BSDC1: variants seen among roughly 807,000 people sequenced by gnomAD.
BSDC1 encodes the protein BSD domain containing 1.
BSDC1 carries 29 observed loss-of-function variants against 56.0 expected under a neutral mutation model. The observed-to-expected ratio is 0.52, with a 90% CI of 0.39 to 0.71. The LOEUF (loss-of-function observed/expected upper bound fraction) is 0.71, where lower values mean the gene tolerates loss of function less well. BSDC1 is among the 30% of genes least tolerant of loss of function. BSDC1 has a pLI of 0.00. For synonymous variants in BSDC1, 210 were observed against 215.3 expected (o/e 0.98, Z 0.21); for missense variants, 477 against 548.5 (o/e 0.87, Z 1.30).
chr1:32,371,105 A>C (rs192866387), intron 9 of BSDC1, among the ~76,000 whole-genome samples: 74 of 152,248 alleles, frequency 4.9e-4, no homozygotes, highest in Admixed American at 2.6e-3. Flanking sequence ...CTAAGAAGTA[A>C]ACTACACAAA....
chr1:32,370,803 C>CAAAAAAA (rs58351365), intron 9 of BSDC1, among the ~76,000 whole-genome samples: 1 of 50,122 alleles, frequency 2.0e-5, no homozygotes, highest in Non-Finnish European at 3.7e-5. Context: ...GACTCCGTCT[C>CAAAAAAA]AAAAAAAAAA....
At chr1:32,388,606 G>A (rs56844563) in intron 2 of BSDC1, among the ~76,000 whole-genome samples, 18 of 152,254 alleles carry the variant, frequency 1.2e-4, no homozygotes, top group African/African-American at 4.3e-4. Flanking sequence ...ACTATCCTAA[G>A]AGCAAATTGA....
At chr1:32,380,449 C>A (rs1255208668) in intron 5 of BSDC1, among the ~76,000 whole-genome samples, 1 of 152,086 alleles carries the variant, frequency 6.6e-6, no homozygotes, top group Admixed American at 6.5e-5. Context: ...AGTTTGAGAC[C>A]AGCCTGACCA....
rs777086909 is a variant in BSDC1 at position 32,386,741 on chromosome 1, G to C, written c.189+38C>G. 7 of 1,535,510 alleles carry C rather than the reference G, an allele frequency of 4.6e-6. No homozygotes were observed. The African/African-American group carries it at 6.8e-5, about 15-fold the overall frequency. ...GGGAGCCCAGGACAGGACAGGTTGC[G>C]AGGGGCAGTTACTTGGGAGGGTTTG... On this transcript the variant is annotated intron_variant, in intron 3 of 10. Transcript: ENST00000455895.
At chr1:32,375,258 G>A (rs1642238242) in intron 9 of BSDC1, among the ~76,000 whole-genome samples, 1 of 152,122 alleles carries the variant, frequency 6.6e-6, no homozygotes, top group African/African-American at 2.4e-5. Context: ...TTTCCATCAG[G>A]GAATAGGTTA....
chr1:32,370,688 C>T (rs1642044640), intron 9 of BSDC1, among the ~76,000 whole-genome samples: 1 of 151,514 alleles, frequency 6.6e-6, no homozygotes, highest in Admixed American at 6.6e-5. Context: ...CTGTTAGTCC[C>T]AGCTACTCGG....
chr1:32,392,167 A>G lies in BSDC1; in HGVS notation c.72+1913T>C, dbSNP rs967082519. 5.9e-5 allele frequency among the ~76,000 whole-genome samples: 9 copies of G among 151,976 alleles called. No individual in the cohort carries two copies. The East Asian group carries it at 1.2e-3, about 20-fold the overall frequency. ...GCCAACATGGTGAAACCCTGTCTCTATTGAAAATAGAAAAATTAGCTGGGC... is the reference window on the plus strand; with the variant it reads ...GCCAACATGGTGAAACCCTGTCTCTGTTGAAAATAGAAAAATTAGCTGGGC... On this transcript the variant is annotated intron_variant, in intron 2 of 10. Coordinates refer to ENST00000455895, the MANE Select transcript of BSDC1 (RefSeq NM_018045.8).
chr1:32,376,481 A>G lies in BSDC1; in HGVS notation c.937T>C (p.Ser313Pro). The change falls in exon 9 of 11, where the codon TCC becomes CCC. Residue 313 changes from serine (S) to proline (P), a missense_variant. Transcript: ENST00000455895. Reference protein sequence around the residue: ...KDLSQKLLEASLEEQGLAVDV... With the variant: ...KDLSQKLLEAPLEEQGLAVDV... Reference sequence around the variant, plus strand: ...ACAGCCAGGCCCTGTTCCTCCAAGGATGCCTCTAGCAGCTTTTGGGACAGG... The same window carrying G: ...ACAGCCAGGCCCTGTTCCTCCAAGGGTGCCTCTAGCAGCTTTTGGGACAGG... The G allele has an allele frequency of 1.9e-6, 3 of 1,612,182 alleles. No individual in the cohort carries two copies.
chr1:32,367,258 G>A (rs937512398), intron 10 of BSDC1: 38 of 985,290 alleles, frequency 3.9e-5, no homozygotes, highest in South Asian at 1.9e-4. Flanking sequence ...GCCTGCTGTC[G>A]GCTAAGCCCT....
intron 8 of BSDC1, 24 bp downstream of exon 8, chr1:32,377,946 C>A: frequency 6.3e-7 from 1 of 1,599,478 alleles, no homozygotes; most frequent in Non-Finnish European, 8.5e-7. Context: ...TGACACTTGC[C>A]CCTCACCTCT....
At position 32,368,450 on chromosome 1, in the gene BSDC1, C is replaced by G. The variant is rs758856193; in HGVS notation, c.1257G>C (p.Gly419=). The G allele has an allele frequency of 4.3e-6, 7 of 1,614,148 alleles. No homozygotes were observed. In the South Asian group the frequency reaches 6.6e-5, roughly 15 times the overall value. The change falls in exon 10 of 11, where the codon GGG becomes GGC. Residue 419 remains glycine, a synonymous_variant. Coordinates refer to ENST00000455895, the MANE Select transcript of BSDC1 (RefSeq NM_018045.8). ...QMALSKVDAS[G]ELEDVEWEDW... is the part of the protein sequence containing the mutation. ...CTGACCCACCAGGCCCACTCACCTC[C>G]CCGGAGGCATCCACTTTGGAAAGTG...
Position 32,378,367 on chromosome 1 carries a change from C to T in BSDC1, c.529-84G>A. The T allele has an allele frequency of 7.2e-7, 1 of 1,385,526 alleles. No individual in the cohort carries two copies. Among genetic ancestry groups the T allele is most frequent in the Non-Finnish European group, 1.0e-6 (1 of 980,766 alleles). The allele number at this position is 1,385,526 out of a possible 1,614,324, so 85.8% of individuals were successfully genotyped here. ...CCCAGCCTTATCAGTCTATTCCCAGCCAGTCTGGATTTCAGACCCAGTAAG... is the reference window on the plus strand; with the variant it reads ...CCCAGCCTTATCAGTCTATTCCCAGTCAGTCTGGATTTCAGACCCAGTAAG... On this transcript the variant is annotated intron_variant, in intron 6 of 10. Transcript: ENST00000455895. This position sits in a 1 kb window ranked among gnomAD's most constrained non-coding sequence, Gnocchi z 5.2.
Position 32,383,818 on chromosome 1 carries a change from G to A in BSDC1, c.357+12C>T, listed in dbSNP as rs1489378974. The A allele has an allele frequency of 1.9e-6, 3 of 1,611,226 alleles. No individual in the cohort carries two copies. The highest frequency in any genetic ancestry group is 1.7e-6 in the Non-Finnish European group (2 of 1,179,232). Reference sequence around the variant, plus strand: ...ATGTTAGGCATCTGCAGGGGAGACTGTCAGTGAATACCTTGGTGCCATCAT... The same window carrying A: ...ATGTTAGGCATCTGCAGGGGAGACTATCAGTGAATACCTTGGTGCCATCAT... On this transcript the variant is annotated intron_variant, in intron 4 of 10. Transcript: ENST00000455895.
chr1:32,376,641 G>A lies in BSDC1; in HGVS notation c.777C>T (p.Pro259=). ...CTGAAGTCACCAGATTCTCTTCACA[G>A]GGGCTCTGGGGGCCAGGTTCTCCTT... ...FPEGEPGPQS[P]CEENLVTSVE... is the part of the protein sequence containing the mutation. Residue 259 remains proline (P), a synonymous_variant, in exon 9 of 11, where the codon CCC becomes CCT. Transcript: ENST00000455895. 7.0e-7 allele frequency: 1 copy of A among 1,427,856 alleles called. No homozygotes were observed. The highest frequency in any genetic ancestry group is 1.8e-5 in the South Asian group (1 of 56,612). The allele number at this position is 1,427,856 out of a possible 1,614,324, so 88.4% of individuals were successfully genotyped here. A position where few individuals can be genotyped will look rare whatever the true frequency, so the allele number is the denominator to read the frequency against.
At chr1:32,386,341 T>C (rs1008293219) in intron 3 of BSDC1, 1 of 123,088 alleles carries the variant, frequency 8.1e-6, no homozygotes, top group African/African-American at 3.0e-5. Context: ...AAAAAAAAAA[T>C]AGGTTACAAA....
chr1:32,382,755 G>C (rs886519343), intron 4 of BSDC1, among the ~76,000 whole-genome samples: 23 of 149,476 alleles, frequency 1.5e-4, no homozygotes, highest in African/African-American at 5.4e-4. Flanking sequence ...CCGCTACTAG[G>C]GATACTAGGG....
chr1:32,370,960 G>A (rs944058274), intron 9 of BSDC1, among the ~76,000 whole-genome samples: 1 of 151,982 alleles, frequency 6.6e-6, no homozygotes, highest in Non-Finnish European at 1.5e-5. Flanking sequence ...GTCCTATACA[G>A]AAAAAGCTTA....
chr1:32,392,972 A>C (rs1032094413), intron 2 of BSDC1, among the ~76,000 whole-genome samples: 5 of 152,160 alleles, frequency 3.3e-5, no homozygotes, highest in African/African-American at 9.7e-5. Flanking sequence ...GCTGAGGCAC[A>C]AGAATCACTT....
At chr1:32,368,650 C>T (rs1299884904) in intron 9 of BSDC1, 100 bp from the exon 10 acceptor site, 2 of 1,503,572 alleles carry the variant, frequency 1.3e-6, no homozygotes, top group African/African-American at 1.4e-5. Flanking sequence ...AAGGGTCTCA[C>T]AAATACACAA....
Sources: allele counts gnomAD v4.1 joint callset (sites outside exome capture counted in the v4.1 genomes callset), GRCh38; gene constraint gnomAD v4.1.1; non-coding constraint Gnocchi (gnomAD v3.1); transcripts MANE v1.5; gene names NCBI Gene and HGNC (gene_info 2026-07-23, HGNC 2026-07-21).